Variants in GPR39 observed in about 807,000 individuals in gnomAD.
GPR39 encodes the protein G protein-coupled receptor 39.
GPR39 carries 23 observed loss-of-function variants against 18.4 expected under a neutral mutation model. That is an observed-to-expected ratio of 1.25 (90% CI 0.90 to 1.77). The LOEUF is 1.77. Among genes scored for constraint, GPR39 ranks in the 40% most tolerant of loss-of-function variants. The pLI, the probability that GPR39 is intolerant of heterozygous loss-of-function variation, is 0.00. For synonymous variants in GPR39, 280 were observed against 257.9 expected (o/e 1.09, Z -0.82); for missense variants, 647 against 602.4 (o/e 1.07, Z -0.78).
chr2:132,428,286 T>G (rs1680164513), intron 1 of GPR39, among the ~76,000 whole-genome samples: 1 of 152,204 alleles, frequency 6.6e-6, no homozygotes, highest in Non-Finnish European at 1.5e-5. Context: ...TTATGAAACT[T>G]AAGTTGTGCT....
At chr2:132,493,220 C>CAT (rs1156764447) in intron 1 of GPR39, among the ~76,000 whole-genome samples, 1 of 138,140 alleles carries the variant, frequency 7.2e-6, no homozygotes, top group African/African-American at 2.8e-5. Context: ...ATATGTACAC[C>CAT]ATATATACAC....
intron 1 of GPR39, among the ~76,000 whole-genome samples, chr2:132,482,621 C>A (rs1249196021): frequency 2.6e-5 from 4 of 152,098 alleles, no homozygotes; most frequent in African/African-American, 9.7e-5. Flanking sequence ...ATTGTGGCAG[C>A]CAACTTTGGA....
chr2:132,620,555 G>T (rs561214555), intron 1 of GPR39, among the ~76,000 whole-genome samples: 5 of 152,174 alleles, frequency 3.3e-5, no homozygotes, highest in Admixed American at 3.3e-4. Context: ...CCCCTGCGTG[G>T]CTCAGGTGCT....
rs143064968 is a variant in GPR39, at chr2:132,627,227, G to A, written c.857-17874G>A. ...GTACCCACCTCTGGGTATAGAGAGC[G>A]AGGACTACCTCCAACCTGAGCTGGA... On this transcript the variant is annotated intron_variant, in intron 1 of 1. Transcript: ENST00000329321. Among the ~76,000 whole-genome samples, 834 of 152,304 alleles carry A rather than the reference G, an allele frequency of 5.5e-3. 22 individuals are homozygous for A. Among genetic ancestry groups the A allele is most frequent in the Admixed American group, 0.042 (649 of 15,304 alleles).
At chr2:132,576,526 A>G (rs1006849216) in intron 1 of GPR39, among the ~76,000 whole-genome samples, 2 of 152,022 alleles carry the variant, frequency 1.3e-5, no homozygotes, top group Admixed American at 1.3e-4. Flanking sequence ...GGTGGTGTGC[A>G]CCTGTAATCC....
chr2:132,605,196 C>T (rs972868976), intron 1 of GPR39, among the ~76,000 whole-genome samples: 2 of 152,050 alleles, frequency 1.3e-5, no homozygotes, highest in Admixed American at 1.3e-4. Flanking sequence ...GTTGGATGTG[C>T]ATATTGTAGT....
At chr2:132,574,222 G>T (rs1385983988) in intron 1 of GPR39, among the ~76,000 whole-genome samples, 1 of 152,130 alleles carries the variant, frequency 6.6e-6, no homozygotes, top group Non-Finnish European at 1.5e-5. Context: ...TTGAATGAAT[G>T]TTTATTCATT....
chr2:132,482,538 G>A (rs563777425), intron 1 of GPR39, among the ~76,000 whole-genome samples: 127 of 152,276 alleles, frequency 8.3e-4, no homozygotes, highest in African/African-American at 3.0e-3. Flanking sequence ...CAAAGCAAGT[G>A]GACGAGCAGT....
At chr2:132,635,837 A>G (rs962455295) in intron 1 of GPR39, among the ~76,000 whole-genome samples, 12 of 152,130 alleles carry the variant, frequency 7.9e-5, no homozygotes, top group African/African-American at 2.9e-4. Flanking sequence ...GAGTGAACAT[A>G]AAAGAAGAGG....
intron 1 of GPR39, among the ~76,000 whole-genome samples, chr2:132,584,296 C>A (rs907893783): frequency 6.6e-6 from 1 of 152,094 alleles, no homozygotes; most frequent in Non-Finnish European, 1.5e-5. Context: ...GCAGCATCCC[C>A]GAAAGGCCTG....
intron 1 of GPR39, among the ~76,000 whole-genome samples, chr2:132,485,936 T>C (rs1681329267): frequency 6.6e-6 from 1 of 152,214 alleles, no homozygotes; most frequent in South Asian, 2.1e-4. Flanking sequence ...TTCCCCAGAC[T>C]TATCAGAAGG....
At chr2:132,580,818 CG>C (rs200444813) in intron 1 of GPR39, among the ~76,000 whole-genome samples, 2,001 of 151,812 alleles carry the variant, frequency 0.013, 51 homozygotes, top group African/African-American at 0.046. Flanking sequence ...AAAAATTTGC[CG>C]GGTGTGGTGG....
At chr2:132,529,944 G>A (rs986631219) in intron 1 of GPR39, among the ~76,000 whole-genome samples, 12 of 152,266 alleles carry the variant, frequency 7.9e-5, no homozygotes, top group East Asian at 1.9e-4. Context: ...AAATCAGAGC[G>A]CCTCTCCTCC....
At chr2:132,461,634 T>C (rs931641709) in intron 1 of GPR39, among the ~76,000 whole-genome samples, 2 of 152,240 alleles carry the variant, frequency 1.3e-5, no homozygotes, top group African/African-American at 4.8e-5. Context: ...TACAATTTCA[T>C]TTCTTGCTGT....
At chr2:132,449,061 C>G (rs1680587488) in intron 1 of GPR39, among the ~76,000 whole-genome samples, 1 of 152,196 alleles carries the variant, frequency 6.6e-6, no homozygotes, top group African/African-American at 2.4e-5. Context: ...CCCTCTTGAG[C>G]TGAGCATTGG....
At chr2:132,587,163 G>T (rs1203542417) in intron 1 of GPR39, among the ~76,000 whole-genome samples, 1 of 152,198 alleles carries the variant, frequency 6.6e-6, no homozygotes, top group Non-Finnish European at 1.5e-5. Flanking sequence ...GATCTGTGGT[G>T]ATTGCTGTGG....
chr2:132,568,522 A>G (rs1466759295), intron 1 of GPR39, among the ~76,000 whole-genome samples: 1 of 152,070 alleles, frequency 6.6e-6, no homozygotes, highest in Non-Finnish European at 1.5e-5. Context: ...CCTAGCCAAC[A>G]GGGCGAAACC....
chr2:132,546,533 G>T (rs138731630), intron 1 of GPR39, among the ~76,000 whole-genome samples: 137 of 152,276 alleles, frequency 9.0e-4, no homozygotes, highest in Admixed American at 6.3e-3. Flanking sequence ...CTAATGAATT[G>T]TAAGTTGCCT....
In GPR39 at chr2:132,646,317, A is replaced by C; in HGVS notation, c.*711A>C. On this transcript the variant is annotated 3_prime_UTR_variant, in exon 2 of 2. Coordinates refer to ENST00000329321, the MANE Select transcript of GPR39 (RefSeq NM_001508.3). ...ACCCAAAGGAGCTGAGTTAACGTGC[A>C]CCGGCAAAAGAATAGCTGTCCCTCT... is the stretch of plus-strand genomic sequence containing the variant. 2.8e-5 allele frequency: 38 copies of C among 1,369,562 alleles called. No individual in the cohort carries two copies. The highest frequency in any genetic ancestry group is 3.7e-5 in the Non-Finnish European group (38 of 1,038,592). 84.8% of individuals were successfully genotyped at this position (1,369,562 alleles called of 1,614,324 possible).
Sources: allele counts gnomAD v4.1 joint callset (sites outside exome capture counted in the v4.1 genomes callset), GRCh38; gene constraint gnomAD v4.1.1; transcripts MANE v1.5; gene names NCBI Gene and HGNC (gene_info 2026-07-23, HGNC 2026-07-21).